The following SSPN variants were observed in gnomAD, a reference collection of about 807,000 sequenced individuals.
SSPN encodes sarcospan.
A neutral mutation model predicts 19.1 loss-of-function variants in SSPN; 15 were observed. The ratio of observed to expected loss-of-function variants is 0.78; its 90% CI spans 0.52 to 1.21. The LOEUF is 1.21. SSPN is among the 50% of genes most tolerant of loss of function. SSPN has a pLI of 0.00. For missense variants in SSPN, 291 were observed against 314.0 expected, an observed-to-expected ratio of 0.93 and a Z score of 0.55; for synonymous variants, 147 against 140.3, an observed-to-expected ratio of 1.05 and a Z score of -0.34.
intron 1 of SSPN, among the ~76,000 whole-genome samples, chr12:26,147,497 C>G (rs1196682916): frequency 6.6e-6 from 1 of 152,162 alleles, no homozygotes; most frequent in Admixed American, 6.5e-5. Context: ...TCTTGAACTC[C>G]TGACCTCAGG....
chr12:26,209,795 CGT>C (rs56680376), intron 1 of SSPN, among the ~76,000 whole-genome samples: 7,266 of 144,948 alleles, frequency 0.05, 180 homozygotes, highest in Middle Eastern at 0.076. Context: ...ATTCTTAGAG[CGT>C]GTGTGTGTGT....
intron 1 of SSPN, among the ~76,000 whole-genome samples, chr12:26,157,743 C>T (rs967738612): frequency 6.6e-6 from 1 of 152,078 alleles, no homozygotes; most frequent in African/African-American, 2.4e-5. Flanking sequence ...TTAATATTTC[C>T]CAGCTTTTGA....
At chr12:26,180,648 GT>G (rs1370638686) in intron 1 of SSPN, 3 of 152,164 alleles carry the variant, frequency 2.0e-5, no homozygotes, top group Non-Finnish European at 2.9e-5. Context: ...GAACTAAGCA[GT>G]TTTTTAGTCA....
intron 1 of SSPN, among the ~76,000 whole-genome samples, chr12:26,137,658 T>A (rs7965355): frequency 0.049 from 1,443 of 29,714 alleles, 37 homozygotes; most frequent in African/African-American, 0.11. Flanking sequence ...ATATATATAT[T>A]TTTTTTTTTT....
chr12:26,218,479 A>T (rs1268214838), intron 1 of SSPN, among the ~76,000 whole-genome samples: 4 of 150,986 alleles, frequency 2.6e-5, no homozygotes, highest in Admixed American at 6.6e-5. Flanking sequence ...CCTAAAACTT[A>T]AAGTATAATT....
chr12:26,153,389 C>A (rs1371421773), intron 1 of SSPN, among the ~76,000 whole-genome samples: 1 of 152,038 alleles, frequency 6.6e-6, no homozygotes, highest in Non-Finnish European at 1.5e-5. Flanking sequence ...ATTCAAAGTA[C>A]CTATCACTGT....
intron 1 of SSPN, among the ~76,000 whole-genome samples, chr12:26,222,143 C>T (rs988982044): frequency 1.3e-5 from 2 of 152,190 alleles, no homozygotes; most frequent in Non-Finnish European, 2.9e-5. Context: ...TCTCTCCAGT[C>T]CATGCCATGC....
chr12:26,198,878 G>A (rs1262839770), intron 1 of SSPN, among the ~76,000 whole-genome samples: 1 of 152,180 alleles, frequency 6.6e-6, no homozygotes, highest in African/African-American at 2.4e-5. Context: ...GGTTATATCA[G>A]TTTTCCCTGT....
At chr12:26,186,106 G>T (rs1944752023) in intron 1 of SSPN, among the ~76,000 whole-genome samples, 1 of 152,074 alleles carries the variant, frequency 6.6e-6, no homozygotes, top group Non-Finnish European at 1.5e-5. Flanking sequence ...TGCCTTAAGG[G>T]ACGGCAAGTG....
chr12:26,175,742 A>G (rs1944679470), intron 1 of SSPN, among the ~76,000 whole-genome samples: 1 of 152,210 alleles, frequency 6.6e-6, no homozygotes, highest in Admixed American at 6.5e-5. Flanking sequence ...TGGAATTCAC[A>G]GAGCTTACTT....
At chr12:26,145,248 T>C (rs1201529588) in intron 1 of SSPN, among the ~76,000 whole-genome samples, 2 of 152,194 alleles carry the variant, frequency 1.3e-5, no homozygotes, top group Admixed American at 1.3e-4. Context: ...GCCTGCAGCT[T>C]TAAGGCCCAT....
chr12:26,129,415 C>T (rs1944385472), intron 1 of SSPN, among the ~76,000 whole-genome samples: 1 of 152,136 alleles, frequency 6.6e-6, no homozygotes, highest in South Asian at 2.1e-4. Flanking sequence ...GCATGCACAC[C>T]TACTCTCAAG....
Position 26,231,841 on chromosome 12 carries a change from A to G in SSPN, c.*765A>G, listed in dbSNP as rs1945236967. On this transcript the variant is annotated 3_prime_UTR_variant, in exon 3 of 3. Transcript: ENST00000242729. The stretch of plus-strand genomic sequence containing the variant: ...ATGCTTCTATTCTATCATCTAAAAC[A>G]AATCATTAAAACTAATTTCTAGCTA... 2.6e-5 allele frequency: 19 copies of G among 723,590 alleles called. No individual in the cohort carries two copies. Among genetic ancestry groups the G allele is most frequent in the Non-Finnish European group, 3.0e-5 (18 of 591,292 alleles). The allele number at this position is 723,590 out of a possible 1,614,324, so 44.8% of individuals were successfully genotyped here.
intron 2 of SSPN, among the ~76,000 whole-genome samples, chr12:26,225,200 A>G (rs993929612): frequency 6.6e-6 from 1 of 152,104 alleles, no homozygotes; most frequent in Non-Finnish European, 1.5e-5. Context: ...TGTTCACTAC[A>G]ATGAGAAAAC....
intron 1 of SSPN, among the ~76,000 whole-genome samples, chr12:26,156,194 T>A (rs867652076): frequency 3.3e-5 from 5 of 152,314 alleles, no homozygotes; most frequent in Admixed American, 6.5e-5. Context: ...CTCCGTGAAG[T>A]AGACATGACT....
intron 2 of SSPN, among the ~76,000 whole-genome samples, chr12:26,228,296 G>A (rs531761493): frequency 2.0e-5 from 3 of 152,002 alleles, no homozygotes; most frequent in East Asian, 3.9e-4. Context: ...TTACTCAGGA[G>A]GCTGAGGCAT....
At chr12:26,185,666 C>T (rs1944749256) in intron 1 of SSPN, among the ~76,000 whole-genome samples, 1 of 152,194 alleles carries the variant, frequency 6.6e-6, no homozygotes, top group South Asian at 2.1e-4. Context: ...CACCCTGACA[C>T]ATACCAGAGT....
chr12:26,122,241 T>G (rs2137384923), intron 1 of SSPN: 1 of 1,276,858 alleles, frequency 7.8e-7, no homozygotes. Flanking sequence ...GGCGCCCGCC[T>G]TCTCGGGAGG....
intron 1 of SSPN, among the ~76,000 whole-genome samples, chr12:26,155,017 G>A (rs1944547446): frequency 6.6e-6 from 1 of 152,132 alleles, no homozygotes; most frequent in African/African-American, 2.4e-5. Context: ...TGTATTAGGA[G>A]TGATATCTAG....
Sources: gnomAD v4.1 joint callset for allele counts (sites outside exome capture counted in the v4.1 genomes callset) on GRCh38, gnomAD v4.1.1 for gene constraint, MANE v1.5 for transcripts, NCBI Gene and HGNC (gene_info 2026-07-23, HGNC 2026-07-21) for gene names.